The following TNFRSF10B variants were observed in gnomAD, a reference collection of about 807,000 sequenced individuals.
TNFRSF10B encodes TNF receptor superfamily member 10b, also known as tumor necrosis factor receptor superfamily member 10B.
TNFRSF10B carries 35 observed loss-of-function variants against 41.4 expected under a neutral mutation model. That is an observed-to-expected ratio of 0.85 (90% CI 0.65 to 1.12). The LOEUF (loss-of-function observed/expected upper bound fraction) is 1.12, where lower values mean the gene tolerates loss of function less well. Ranked by LOEUF, TNFRSF10B falls within the 50% of genes most tolerant of loss-of-function variation. The pLI, the probability that TNFRSF10B is intolerant of heterozygous loss-of-function variation, is 0.00. For missense variants in TNFRSF10B, 584 were observed against 552.7 expected (o/e 1.06, Z -0.57); for synonymous variants, 230 against 215.5 (o/e 1.07, Z -0.59).
At chr8:23,040,036 C>T (rs1364823726) in intron 2 of TNFRSF10B, among the ~76,000 whole-genome samples, 1 of 151,590 alleles carries the variant, frequency 6.6e-6, no homozygotes, top group African/African-American at 2.4e-5. Flanking sequence ...TGCTAAAAAT[C>T]AAAAATTATC....
intron 3 of TNFRSF10B, among the ~76,000 whole-genome samples, 163 bp from the exon 4 acceptor site, chr8:23,029,884 C>T (rs1811828595): frequency 6.6e-6 from 1 of 152,216 alleles, no homozygotes; most frequent in African/African-American, 2.4e-5. Context: ...AGGATACCCA[C>T]CCTTCAGCTG....
intron 6 of TNFRSF10B, 171 bp downstream of exon 6, chr8:23,027,551 G>A: frequency 1.1e-6 from 1 of 895,636 alleles, no homozygotes; most frequent in Non-Finnish European, 1.7e-6. Flanking sequence ...ACCAGCCTAT[G>A]TGGTGCTCAA....
chr8:23,038,239 A>G (rs1223244375), intron 2 of TNFRSF10B, among the ~76,000 whole-genome samples: 1 of 152,222 alleles, frequency 6.6e-6, no homozygotes, highest in Admixed American at 6.5e-5. Flanking sequence ...ATGGAAAACT[A>G]CCACGACCCT....
rs1811502959 is a variant in TNFRSF10B at position 23,021,055 on chromosome 8, C to G, written c.*1616G>C. 4.4e-6 allele frequency: 2 copies of G among 454,000 alleles called. No individual in the cohort carries two copies. The highest frequency in any genetic ancestry group is 4.0e-5 in the African/African-American group (2 of 50,000). The allele number at this position is 454,000 out of a possible 1,614,324, so 28.1% of individuals were successfully genotyped here. On this transcript the variant is annotated 3_prime_UTR_variant, in exon 9 of 9. Transcript: ENST00000276431. ...TGTCCCACCCAAACCAGTCCCGGAA[C>G]AAAACACACAATGCCTTGAGACAGA...
At chr8:23,046,850 T>TG (rs1196461456) in intron 1 of TNFRSF10B, among the ~76,000 whole-genome samples, 5 of 151,732 alleles carry the variant, frequency 3.3e-5, no homozygotes, top group Non-Finnish European at 5.9e-5. Flanking sequence ...GAATACACAG[T>TG]GGGAAAAAAA....
Position 23,028,337 on chromosome 8 carries a change from A to T in TNFRSF10B, c.742T>A (p.Cys248Ser). Reference sequence around the variant, plus strand: ...GCCCTCAGCCAGCACCTACCTGAGCAGATGCCTTTCAGGTAAGGAAGGACT... The same window carrying T: ...GCCCTCAGCCAGCACCTACCTGAGCTGATGCCTTTCAGGTAAGGAAGGACT... ...KKVLPYLKGI[C>S]SGGGGDPERV... The change falls in exon 5 of 9, where the codon TGC (cysteine) becomes AGC (serine). Residue 248 changes from cysteine (C) to serine (S), a missense_variant. Transcript: ENST00000276431. 6.2e-7 allele frequency: 1 copy of T among 1,614,130 alleles called. No individual in the cohort carries two copies. Among genetic ancestry groups the T allele is most frequent in the Non-Finnish European group, 8.5e-7 (1 of 1,180,002 alleles).
Position 23,033,585 on chromosome 8 carries a change from C to CAAAAAA in TNFRSF10B, c.251-2719_251-2714dup, listed in dbSNP as rs59282000. 1.6e-4 allele frequency among the ~76,000 whole-genome samples: 10 copies of CAAAAAA among 62,278 alleles called. 1 individual carries two copies. Among genetic ancestry groups the CAAAAAA allele is most frequent in the African/African-American group, 6.1e-4 (8 of 13,086 alleles). 40.9% of individuals were successfully genotyped at this position (62,278 alleles called of 152,430 possible). The stretch of plus-strand genomic sequence containing the variant: ...CCTGGGCGACAGCGAGACTCCGTCT[C>CAAAAAA]AAAAAAAAAAAAAAAAAAAAAAAAA... On this transcript the variant is annotated intron_variant, in intron 2 of 8. Coordinates refer to ENST00000276431, the MANE Select transcript of TNFRSF10B (RefSeq NM_003842.5).
chr8:23,057,622 A>G (rs112546894), intron 1 of TNFRSF10B, among the ~76,000 whole-genome samples: 20,807 of 151,440 alleles, frequency 0.14, 1,822 homozygotes, highest in Non-Finnish European at 0.19. Flanking sequence ...TAGTAGAGAC[A>G]AGTTTCTCTA....
rs759539959 is a variant in TNFRSF10B, at chr8:23,027,218, A to T, written c.851T>A (p.Val284Asp). The stretch of plus-strand genomic sequence containing the variant: ...CTGGACTTCCATTTCCTGCTCAGGG[A>T]CCTGGGTGGGCTGCAAGATACTCAC... ...EIVSILQPTQVPEQEMEVQEP... is the reference protein window; with the variant it reads ...EIVSILQPTQDPEQEMEVQEP... The change falls in exon 7 of 9, where the codon GTC (valine) becomes GAC (aspartate). Residue 284 changes from valine to aspartate, a missense_variant. Physicochemically the swap from Val to Asp is radical, Grantham distance 152 (BLOSUM62 -3). Transcript: ENST00000276431. 2.2e-5 allele frequency: 35 copies of T among 1,614,104 alleles called. No individual in the cohort carries two copies. The highest frequency in any genetic ancestry group is 2.9e-5 in the Non-Finnish European group (34 of 1,180,026).
intron 3 of TNFRSF10B, 91 bp downstream of exon 3, chr8:23,030,668 G>T: frequency 1.1e-6 from 1 of 950,064 alleles, no homozygotes; most frequent in Non-Finnish European, 1.7e-6. Flanking sequence ...AGGTGGACCA[G>T]AATCTAGGTC....
At chr8:23,055,202 G>A (rs540386193) in intron 1 of TNFRSF10B, among the ~76,000 whole-genome samples, 4 of 151,854 alleles carry the variant, frequency 2.6e-5, no homozygotes, top group Admixed American at 1.3e-4. Flanking sequence ...AAAGCCCTGT[G>A]AACTGAAAAC....
chr8:23,025,051 G>A (rs944248643), intron 7 of TNFRSF10B, among the ~76,000 whole-genome samples: 11 of 152,168 alleles, frequency 7.2e-5, no homozygotes, highest in Non-Finnish European at 1.2e-4. Flanking sequence ...CTCAGAAGCC[G>A]GTAAGTCCGA....
At chr8:23,044,580 A>G (rs1812299968) in intron 1 of TNFRSF10B, among the ~76,000 whole-genome samples, 1 of 152,204 alleles carries the variant, frequency 6.6e-6, no homozygotes, top group Non-Finnish European at 1.5e-5. Flanking sequence ...TTTTAAGAGT[A>G]TATTAGAAAA....
chr8:23,023,291 G>A (rs1585204347), intron 8 of TNFRSF10B, among the ~76,000 whole-genome samples: 1 of 152,222 alleles, frequency 6.6e-6, no homozygotes, highest in South Asian at 2.1e-4. Flanking sequence ...GTGAGAGTCC[G>A]AGGGAGGGAG....
intron 2 of TNFRSF10B, among the ~76,000 whole-genome samples, chr8:23,041,903 G>A (rs2128815453): frequency 6.6e-6 from 1 of 152,214 alleles, no homozygotes; most frequent in South Asian, 2.1e-4. Flanking sequence ...GGGCTCAGTT[G>A]TGCCCCTCCT....
At chr8:23,059,005 C>T (rs893577311) in intron 1 of TNFRSF10B, among the ~76,000 whole-genome samples, 1 of 152,158 alleles carries the variant, frequency 6.6e-6, no homozygotes, top group African/African-American at 2.4e-5. Flanking sequence ...ATTTCATCTT[C>T]CCATTCTTCC....
At position 23,030,708 on chromosome 8, in the gene TNFRSF10B, T is replaced by C. The variant is rs767407756; in HGVS notation, c.364+51A>G. ...GATCCCATTTTAGCTACAACTTTTA[T>C]GTCATCACCCCGCATTCCACCTTTA... On this transcript the variant is annotated intron_variant, in intron 3 of 8. Coordinates refer to ENST00000276431, the MANE Select transcript of TNFRSF10B (RefSeq NM_003842.5). 19 of 1,419,914 alleles carry C rather than the reference T, an allele frequency of 1.3e-5. No homozygotes were observed. The Admixed American group carries it at 3.4e-4, about 25-fold the overall frequency. 88.0% of individuals were successfully genotyped at this position (1,419,914 alleles called of 1,614,324 possible).
At chr8:23,027,610 A>C (rs1811743410) in intron 6 of TNFRSF10B, 112 bp downstream of exon 6, 2 of 1,483,830 alleles carry the variant, frequency 1.3e-6, no homozygotes, top group Non-Finnish European at 1.9e-6. Flanking sequence ...AGGCCACTTC[A>C]GAGAGTCAGG....
chr8:23,044,764 A>G (rs1268036135), intron 1 of TNFRSF10B, among the ~76,000 whole-genome samples: 1 of 152,162 alleles, frequency 6.6e-6, no homozygotes, highest in Non-Finnish European at 1.5e-5. Context: ...TAGCAGAACA[A>G]AAGAAATAAT....
Sources: gnomAD v4.1 joint callset for allele counts (sites outside exome capture counted in the v4.1 genomes callset) on GRCh38, gnomAD v4.1.1 for gene constraint, MANE v1.5 for transcripts, NCBI Gene and HGNC (gene_info 2026-07-23, HGNC 2026-07-21) for gene names.